The following ISM1 variants were observed in gnomAD, a reference collection of about 807,000 sequenced individuals.
The protein encoded by ISM1 is isthmin 1, also known as isthmin-1.
In ISM1, 25 loss-of-function variants were observed where a neutral mutation model predicts 46.3. The ratio of observed to expected loss-of-function variants is 0.54; its 90% CI spans 0.39 to 0.75. The LOEUF (loss-of-function observed/expected upper bound fraction) is 0.75. Ranked by LOEUF, ISM1 falls within the 30% of genes least tolerant of loss-of-function variation. The pLI, the probability that ISM1 is intolerant of heterozygous loss-of-function variation, is 0.00. For missense variants in ISM1, 536 were observed against 625.4 expected (o/e 0.86, Z 1.52); for synonymous variants, 255 against 256.7 (o/e 0.99, Z 0.06).
At chr20:13,234,961 T>C (rs930272749) in intron 1 of ISM1, among the ~76,000 whole-genome samples, 1 of 152,240 alleles carries the variant, frequency 6.6e-6, no homozygotes, top group African/African-American at 2.4e-5. Context: ...ATGCAGGTCA[T>C]GGTTTGAGAA....
At chr20:13,232,029 T>C (rs550643898) in intron 1 of ISM1, among the ~76,000 whole-genome samples, 165 of 152,308 alleles carry the variant, frequency 1.1e-3, no homozygotes, top group Non-Finnish European at 1.9e-3. Flanking sequence ...CCCATAAGCA[T>C]CCAGGTAGAA....
chr20:13,228,364 A>G (rs1952746755), intron 1 of ISM1, among the ~76,000 whole-genome samples: 1 of 151,894 alleles, frequency 6.6e-6, no homozygotes, highest in Non-Finnish European at 1.5e-5. Flanking sequence ...TTAATTATAA[A>G]CTCTATAAGA....
In ISM1 at chr20:13,292,406, G is replaced by A. The variant is rs374247955; in HGVS notation, c.820G>A (p.Glu274Lys). ...AGACACTTTTAGGACAGCTGCCACC[G>A]AAGTGAGTCTGCTTGCGGGAAGCGA... Reference protein sequence around the residue: ...IEDTFRTAATEVSLLAGSEEF... With the variant: ...IEDTFRTAATKVSLLAGSEEF... Residue 274 changes from glutamate to lysine, a missense_variant, in exon 5 of 6, where the codon GAA (glutamate) becomes AAA (lysine). This residue lies in a region of ISM1 where 367 missense variants were observed against 376.1 expected (regional missense o/e 0.98). Coordinates refer to ENST00000262487, the MANE Select transcript of ISM1 (RefSeq NM_080826.2). 1.5e-5 allele frequency: 24 copies of A among 1,606,638 alleles called. No homozygotes were observed. The highest frequency in any genetic ancestry group is 8.0e-5 in the African/African-American group (6 of 74,820).
intron 1 of ISM1, 150 bp downstream of exon 1, chr20:13,222,064 T>G: frequency 1.3e-6 from 1 of 764,986 alleles, no homozygotes; most frequent in Non-Finnish European, 1.8e-6. Flanking sequence ...CCGGGCCACT[T>G]GACTTAGGCA....
intron 1 of ISM1, among the ~76,000 whole-genome samples, chr20:13,228,937 A>G (rs2039558416): frequency 6.6e-6 from 1 of 152,196 alleles, no homozygotes; most frequent in African/African-American, 2.4e-5. Context: ...CTGAACGCTC[A>G]TAGTAAATAT....
At chr20:13,290,032 A>G (rs1265172410) in intron 4 of ISM1, among the ~76,000 whole-genome samples, 1 of 152,216 alleles carries the variant, frequency 6.6e-6, no homozygotes, top group Admixed American at 6.5e-5. Context: ...AGGAAGAATC[A>G]GATTGGAATG....
intron 1 of ISM1, among the ~76,000 whole-genome samples, chr20:13,253,162 A>G (rs1360131293): frequency 6.6e-6 from 1 of 152,206 alleles, no homozygotes; most frequent in Non-Finnish European, 1.5e-5. Flanking sequence ...GCACAGGGAA[A>G]AGCAGGAAGG....
intron 1 of ISM1, among the ~76,000 whole-genome samples, chr20:13,253,069 G>A (rs960437796): frequency 6.6e-6 from 1 of 152,174 alleles, no homozygotes; most frequent in African/African-American, 2.4e-5. Context: ...CACACAGCGA[G>A]GGAGAAATCA....
the ISM1 span, among the ~76,000 whole-genome samples, chr20:13,305,724 G>A: frequency 6.6e-6 from 1 of 152,166 alleles, no homozygotes; most frequent in South Asian, 2.1e-4. Context: ...GAGAGTAGAA[G>A]GAGAGGGACA....
intron 1 of ISM1, among the ~76,000 whole-genome samples, chr20:13,228,008 A>G (rs967867691): frequency 2.2e-5 from 3 of 134,642 alleles, no homozygotes; most frequent in South Asian, 2.4e-4. Flanking sequence ...TCTGTTGCCC[A>G]GGCTGGAGTC....
chr20:13,304,789 C>G (rs1358883386), downstream of ISM1, among the ~76,000 whole-genome samples: 3 of 152,160 alleles, frequency 2.0e-5, no homozygotes, highest in African/African-American at 7.2e-5. Context: ...TCCACGAGCT[C>G]CCAGTGGGAT....
intron 1 of ISM1, among the ~76,000 whole-genome samples, chr20:13,263,301 T>A (rs530974475): frequency 1.3e-5 from 2 of 152,232 alleles, no homozygotes; most frequent in East Asian, 3.9e-4. Flanking sequence ...GGCTGCCTCT[T>A]TCCAACACTT....
At chr20:13,311,884 G>A in the ISM1 span, among the ~76,000 whole-genome samples, 3 of 152,126 alleles carry the variant, frequency 2.0e-5, no homozygotes, top group East Asian at 1.9e-4. Flanking sequence ...CATGATGACT[G>A]TAGTTAATAA....
intron 3 of ISM1, among the ~76,000 whole-genome samples, chr20:13,288,315 G>A (rs57938813): frequency 0.023 from 3,546 of 152,210 alleles, 133 homozygotes; most frequent in African/African-American, 0.08. Flanking sequence ...CACCTTCTAG[G>A]GATGTACAGA....
the ISM1 span, among the ~76,000 whole-genome samples, chr20:13,318,781 C>T: frequency 1.3e-5 from 2 of 152,152 alleles, no homozygotes; most frequent in African/African-American, 4.8e-5. Flanking sequence ...TCTAAAGAGG[C>T]TACCTACACT....
rs1273406298 is a variant in ISM1, at chr20:13,224,029, G to C, written c.138+2115G>C. Among the ~76,000 whole-genome samples the C allele has an allele frequency of 2.0e-5, 3 of 152,060 alleles. No individual in the cohort carries two copies. The East Asian group carries it at 5.8e-4, about 29-fold the overall frequency. Reference sequence around the variant, plus strand: ...AGGGAAGTGGACTGAATTCTCAAAAGGGGCTTTGGCTGAAGAACTGCCCCA... The same window carrying C: ...AGGGAAGTGGACTGAATTCTCAAAACGGGCTTTGGCTGAAGAACTGCCCCA... On this transcript the variant is annotated intron_variant, in intron 1 of 5. Transcript: ENST00000262487.
intron 1 of ISM1, among the ~76,000 whole-genome samples, chr20:13,252,879 A>T (rs2039883268): frequency 6.6e-6 from 1 of 151,922 alleles, no homozygotes; most frequent in Non-Finnish European, 1.5e-5. Context: ...CACTTCTCTC[A>T]TTTACTGACA....
downstream of ISM1, among the ~76,000 whole-genome samples, chr20:13,304,392 C>T (rs368568680): frequency 3.3e-5 from 5 of 152,154 alleles, no homozygotes; most frequent in African/African-American, 9.7e-5. Context: ...CCACTGTCTT[C>T]CACATTGTAC....
chr20:13,282,629 C>G (rs959982520), intron 3 of ISM1, among the ~76,000 whole-genome samples: 1 of 152,190 alleles, frequency 6.6e-6, no homozygotes, highest in African/African-American at 2.4e-5. Context: ...CATGGAGAAG[C>G]TCCATCCTGT....
Sources: gnomAD v4.1 joint callset for allele counts (sites outside exome capture counted in the v4.1 genomes callset) on GRCh38, gnomAD v4.1.1 for gene constraint, gnomAD v4.1.1 regional missense constraint, MANE v1.5 for transcripts, NCBI Gene and HGNC (gene_info 2026-07-23, HGNC 2026-07-21) for gene names.